Variants in ZNF385D observed in about 807,000 individuals in gnomAD.
ZNF385D encodes zinc finger protein 385D.
Under a neutral mutation model 35.8 loss-of-function variants are expected in ZNF385D, and 15 were observed. The ratio of observed to expected loss-of-function variants is 0.42; its 90% CI spans 0.28 to 0.64. ZNF385D has a LOEUF of 0.64. ZNF385D is among the 30% of genes least tolerant of loss of function. The pLI is 0.23. For missense variants in ZNF385D, 474 were observed against 494.6 expected, an observed-to-expected ratio of 0.96 and a Z score of 0.39; for synonymous variants, 212 against 186.8, an observed-to-expected ratio of 1.13 and a Z score of -1.10.
chr3:22,203,080 C>G (rs1292395216), intron 2 of ZNF385D, among the ~76,000 whole-genome samples: 2 of 152,034 alleles, frequency 1.3e-5, no homozygotes, highest in African/African-American at 2.4e-5. Flanking sequence ...AGTGCTTCTG[C>G]TACTCCTCCC....
At chr3:21,609,449 C>A (rs1032337045) in intron 2 of ZNF385D, among the ~76,000 whole-genome samples, 5 of 152,148 alleles carry the variant, frequency 3.3e-5, no homozygotes, top group Admixed American at 3.3e-4. Context: ...GAATGCTATC[C>A]AAATCGGGTT....
intron 3 of ZNF385D, among the ~76,000 whole-genome samples, chr3:21,517,981 G>C (rs149022128): frequency 1.7e-3 from 262 of 152,234 alleles, no homozygotes; most frequent in African/African-American, 6.0e-3. Flanking sequence ...TGGACACATT[G>C]AACCAGAAAC....
chr3:21,782,430 T>C (rs2071529145), intron 3 of ZNF385D, among the ~76,000 whole-genome samples: 1 of 152,118 alleles, frequency 6.6e-6, no homozygotes, highest in African/African-American at 2.4e-5. Context: ...GATGTTCGTT[T>C]AAGGTCACCA....
At chr3:21,550,787 T>C (rs535397435) in intron 3 of ZNF385D, among the ~76,000 whole-genome samples, 1 of 152,316 alleles carries the variant, frequency 6.6e-6, no homozygotes, top group South Asian at 2.1e-4. Context: ...AGCTGATCTC[T>C]ATTTTATAAT....
intron 2 of ZNF385D, among the ~76,000 whole-genome samples, chr3:22,272,028 C>T (rs1425156672): frequency 2.0e-5 from 3 of 151,876 alleles, no homozygotes; most frequent in Non-Finnish European, 4.4e-5. Context: ...GCAGTGGTGC[C>T]GATATTTTTG....
At position 22,221,985 on chromosome 3, in the gene ZNF385D, A is replaced by AT. The variant is rs569465454; in HGVS notation, c.107-52951dup. ...ACAGAAGATTTCATTAACCATTCCG[A>AT]TTTTTTTTTTTAAGACAGTCTCATT... On this transcript the variant is annotated intron_variant, in intron 2 of 5. Transcript: ENST00000494108. Among the ~76,000 whole-genome samples the AT allele has an allele frequency of 7.3e-3, 1,080 of 148,314 alleles. 11 individuals carry two copies. The highest frequency in any genetic ancestry group is 0.02 in the African/African-American group (830 of 40,596).
At chr3:22,356,942 A>G (rs141572571) in intron 2 of ZNF385D, among the ~76,000 whole-genome samples, 9 of 152,106 alleles carry the variant, frequency 5.9e-5, no homozygotes, top group Non-Finnish European at 1.0e-4. Flanking sequence ...AACATTTACT[A>G]TCCAAAAAAT....
chr3:21,585,035 A>G (rs1264424820), intron 2 of ZNF385D, among the ~76,000 whole-genome samples: 1 of 133,198 alleles, frequency 7.5e-6, no homozygotes, highest in Non-Finnish European at 1.6e-5. Flanking sequence ...TGCCAGTTTG[A>G]AATATAACGA....
At chr3:22,089,787 G>C (rs920102516) in intron 3 of ZNF385D, among the ~76,000 whole-genome samples, 1 of 152,004 alleles carries the variant, frequency 6.6e-6, no homozygotes, top group Non-Finnish European at 1.5e-5. Context: ...TCTTTATTAT[G>C]ACTAACAAAT....
At chr3:21,976,762 G>A (rs1207734116) in intron 3 of ZNF385D, among the ~76,000 whole-genome samples, 6 of 152,318 alleles carry the variant, frequency 3.9e-5, no homozygotes, top group Middle Eastern at 3.4e-3. Flanking sequence ...GGAAGCCAAG[G>A]CATGCAGATC....
intron 2 of ZNF385D, among the ~76,000 whole-genome samples, chr3:22,286,632 T>A (rs903757690): frequency 6.6e-6 from 1 of 152,164 alleles, no homozygotes; most frequent in African/African-American, 2.4e-5. Context: ...ATTTCCCTAT[T>A]ACTTTCTTAT....
intron 3 of ZNF385D, among the ~76,000 whole-genome samples, chr3:22,061,876 T>A (rs1023455893): frequency 6.6e-6 from 1 of 152,202 alleles, no homozygotes; most frequent in African/African-American, 2.4e-5. Context: ...TCTCTGCCAC[T>A]AAAGTGTAAG....
intron 2 of ZNF385D, among the ~76,000 whole-genome samples, chr3:22,251,023 C>T (rs1371434734): frequency 6.6e-6 from 1 of 152,026 alleles, no homozygotes; most frequent in Non-Finnish European, 1.5e-5. Flanking sequence ...AATCAATCGC[C>T]CTTACCTCAG....
intron 2 of ZNF385D, among the ~76,000 whole-genome samples, chr3:21,596,252 C>A (rs571907933): frequency 6.6e-6 from 1 of 152,240 alleles, no homozygotes; most frequent in Non-Finnish European, 1.5e-5. Context: ...TAGTGCCAAG[C>A]ACTTCAGTAA....
chr3:22,300,209 A>G (rs2125410517), intron 2 of ZNF385D, among the ~76,000 whole-genome samples: 1 of 152,156 alleles, frequency 6.6e-6, no homozygotes, highest in East Asian at 1.9e-4. Context: ...TGGGGAAAGA[A>G]CAGTCTCATC....
chr3:22,371,728 T>C (rs1334635281), intron 2 of ZNF385D, among the ~76,000 whole-genome samples: 1 of 152,074 alleles, frequency 6.6e-6, no homozygotes, highest in African/African-American at 2.4e-5. Flanking sequence ...CTCCTCCAGG[T>C]ACTCAATGGA....
intron 2 of ZNF385D, among the ~76,000 whole-genome samples, chr3:22,257,973 A>G (rs1182105479): frequency 1.3e-5 from 2 of 151,850 alleles, no homozygotes; most frequent in African/African-American, 2.4e-5. Context: ...ACAAGTTGAG[A>G]TTGTACAACA....
intron 3 of ZNF385D, among the ~76,000 whole-genome samples, chr3:21,513,608 G>T (rs1186880884): frequency 6.6e-6 from 1 of 152,084 alleles, no homozygotes; most frequent in African/African-American, 2.4e-5. Context: ...GAGAAATTGA[G>T]TATAGTGGGG....
At chr3:21,840,275 A>G (rs1345524921) in intron 3 of ZNF385D, among the ~76,000 whole-genome samples, 1 of 152,040 alleles carries the variant, frequency 6.6e-6, no homozygotes, top group Admixed American at 6.6e-5. Context: ...TCACAGAAAC[A>G]AACAATTAAG....
Sources: gnomAD v4.1 joint callset for allele counts (sites outside exome capture counted in the v4.1 genomes callset) on GRCh38, gnomAD v4.1.1 for gene constraint, MANE v1.5 for transcripts, NCBI Gene and HGNC (gene_info 2026-07-23, HGNC 2026-07-21) for gene names.